Variants in PRRC2C observed in about 807,000 individuals in gnomAD.
PRRC2C encodes proline rich coiled-coil 2C, also known as protein PRRC2C.
In PRRC2C, 72 loss-of-function variants were observed where a neutral mutation model predicts 317.2. That is an observed-to-expected ratio of 0.23 (90% CI 0.19 to 0.28). The LOEUF (loss-of-function observed/expected upper bound fraction) is 0.28. Ranked by LOEUF, PRRC2C falls within the 10% of genes least tolerant of loss-of-function variation. The pLI is 1.00. For synonymous variants in PRRC2C, 1,296 were observed against 1,205.9 expected, an observed-to-expected ratio of 1.07 and a Z score of -1.55; for missense variants, 3,074 against 3,459.7, an observed-to-expected ratio of 0.89 and a Z score of 2.80.
chr1:171,553,033 A>G (rs2102601969), intron 18 of PRRC2C, among the ~76,000 whole-genome samples: 2 of 152,290 alleles, frequency 1.3e-5, no homozygotes, highest in South Asian at 4.1e-4. Context: ...TTCAGAAGGA[A>G]TGGTACCGGC....
In PRRC2C at chr1:171,522,157, T is replaced by G; in HGVS notation, c.751-20T>G. 6.9e-7 allele frequency: 1 copy of G among 1,451,282 alleles called. No homozygotes were observed. Among genetic ancestry groups the G allele is most frequent in the Non-Finnish European group, 9.4e-7 (1 of 1,064,100 alleles). The allele number at this position is 1,451,282 out of a possible 1,614,324, so 89.9% of individuals were successfully genotyped here. ...ACTAGGTTGCTAAATTTATCACAATTTTTTGTTTCCTTCATTCAGATGTTC... is the reference window on the plus strand; with the variant it reads ...ACTAGGTTGCTAAATTTATCACAATGTTTTGTTTCCTTCATTCAGATGTTC... On this transcript the variant is annotated intron_variant, in intron 6 of 34. Coordinates refer to ENST00000647382, the MANE Select transcript of PRRC2C (RefSeq NM_001387844.1).
intron 4 of PRRC2C, among the ~76,000 whole-genome samples, chr1:171,515,027 C>G (rs1292873930): frequency 1.3e-5 from 2 of 152,328 alleles, no homozygotes; most frequent in East Asian, 3.9e-4. Flanking sequence ...TGCCACGATT[C>G]CTGAGAGGAG....
At chr1:171,534,494 T>C (rs1490931688) in intron 12 of PRRC2C, among the ~76,000 whole-genome samples, 1 of 152,190 alleles carries the variant, frequency 6.6e-6, no homozygotes. Flanking sequence ...ATTCTGATAC[T>C]AGACACATAC....
At position 171,532,497 on chromosome 1, in the gene PRRC2C, A is replaced by T. The variant is rs704839; in HGVS notation, c.1409A>T (p.Glu470Val). The change falls in exon 12 of 35, where the codon GAG (glutamate) becomes GTG (valine). Residue 470 changes from glutamate (E) to valine (V), a missense_variant. Transcript: ENST00000647382. ...GAACGTGCTCGTAAACGGCGTGAAG[A>T]GGAAGAGCGAAGAATGGAAGAACAA... ...AVERARKRRE[E>V]EERRMEEQRK... 1 of 1,611,446 alleles carries T rather than the reference A, an allele frequency of 6.2e-7. No homozygotes were observed.
chr1:171,567,839 T>C (rs1176814097), intron 22 of PRRC2C, among the ~76,000 whole-genome samples: 1 of 152,218 alleles, frequency 6.6e-6, no homozygotes, highest in Non-Finnish European at 1.5e-5. Context: ...AAGTCTGCTC[T>C]CTTCCCCTGC....
Position 171,541,216 on chromosome 1 carries a change from C to T in PRRC2C, c.3750C>T (p.Ser1250=). ...AAGAAAGTGAAACACGGAGTGAGAG[C>T]TCTGATTTTGAAGTTGTCCCCAAAA... The part of the protein sequence containing the change: ...QREESETRSE[S]SDFEVVPKRR... Residue 1250 remains serine (S), a synonymous_variant, in exon 16 of 35, where the codon AGC becomes AGT. Coordinates refer to ENST00000647382, the MANE Select transcript of PRRC2C (RefSeq NM_001387844.1). The surrounding 1 kb of genome is among the most constrained non-coding windows in gnomAD (Gnocchi z 4.1). The T allele has an allele frequency of 6.2e-7, 1 of 1,613,444 alleles. No homozygotes were observed. Among genetic ancestry groups the T allele is most frequent in the Non-Finnish European group, 8.5e-7 (1 of 1,179,770 alleles).
chr1:171,541,414 T>A lies in PRRC2C; in HGVS notation c.3948T>A (p.Asp1316Glu). 6.2e-7 allele frequency: 1 copy of A among 1,613,854 alleles called. No individual in the cohort carries two copies. The highest frequency in any genetic ancestry group is 8.5e-7 in the Non-Finnish European group (1 of 1,179,822). Residue 1316 changes from aspartate to glutamate, a missense_variant, in exon 16 of 35, where the codon GAT becomes GAA. Around this residue, in one of 11 missense-constraint regions of PRRC2C, gnomAD observed 1,320 missense variants for 1,395.7 expected, o/e 0.95. Transcript: ENST00000647382. This position sits in a 1 kb window ranked among gnomAD's most constrained non-coding sequence, Gnocchi z 4.1. Reference protein sequence around the residue: ...SFKPDNHVRIDNRLLEKPYVR... With the variant: ...SFKPDNHVRIENRLLEKPYVR... ...AGCCTGATAATCATGTTCGAATAGA[T>A]AATAGACTGCTAGAAAAGCCTTATG...
At chr1:171,539,471 T>G (rs1677532548) in intron 15 of PRRC2C, among the ~76,000 whole-genome samples, 1 of 152,232 alleles carries the variant, frequency 6.6e-6, no homozygotes, top group Non-Finnish European at 1.5e-5. Context: ...CTATTTCCTA[T>G]TCTTACCTTT....
chr1:171,566,651 A>G lies in PRRC2C; in HGVS notation c.6366A>G (p.Glu2122=), dbSNP rs747664141. The change falls in exon 22 of 35, where the codon GAA becomes GAG. Residue 2122 remains glutamate, a synonymous_variant. Coordinates refer to ENST00000647382, the MANE Select transcript of PRRC2C (RefSeq NM_001387844.1). ...KEHKPGPIGK[E]RSLKNRKVKD... is the part of the protein sequence containing the mutation. ...ACAAACCTGGTCCCATTGGAAAGGA[A>G]CGTTCATTAAAAAATAGAAAAGTAA... 27 of 1,607,602 alleles carry G rather than the reference A, an allele frequency of 1.7e-5. No individual in the cohort carries two copies. Among genetic ancestry groups the G allele is most frequent in the Non-Finnish European group, 2.1e-5 (25 of 1,176,548 alleles).
intron 33 of PRRC2C, 101 bp from the exon 34 acceptor site, chr1:171,589,268 C>A: frequency 1.9e-6 from 1 of 539,996 alleles, no homozygotes; most frequent in Non-Finnish European, 2.9e-6. Context: ...AGGATGGGCA[C>A]AGATTTACTC....
chr1:171,545,615 C>T lies in PRRC2C; in HGVS notation c.4900C>T (p.Pro1634Ser). The change falls in exon 17 of 35, where the codon CCC becomes TCC. Residue 1634 changes from proline to serine, a missense_variant. Physicochemically the swap from Pro to Ser is moderately conservative, Grantham distance 74. Coordinates refer to ENST00000647382, the MANE Select transcript of PRRC2C (RefSeq NM_001387844.1). Reference sequence around the variant, plus strand: ...TTCTACTGGGAAAAAAAGAGAAGACCCCAAACCAGGCCCTAAAAAACCAAA... The same window carrying T: ...TTCTACTGGGAAAAAAAGAGAAGACTCCAAACCAGGCCCTAAAAAACCAAA... ...KDSTGKKRED[P>S]KPGPKKPKEK... 3 of 1,612,644 alleles carry T rather than the reference C, an allele frequency of 1.9e-6. No individual in the cohort carries two copies. Among genetic ancestry groups the T allele is most frequent in the Non-Finnish European group, 2.5e-6 (3 of 1,179,374 alleles).
Position 171,524,914 on chromosome 1 carries a change from C to T in PRRC2C, c.1149C>T (p.Ala383=). 6.2e-7 allele frequency: 1 copy of T among 1,611,504 alleles called. No homozygotes were observed. Among genetic ancestry groups the T allele is most frequent in the Non-Finnish European group, 8.5e-7 (1 of 1,178,628 alleles). The change falls in exon 10 of 35, where the codon GCC becomes GCT. Residue 383 remains alanine (A), a synonymous_variant. Transcript: ENST00000647382. The part of the protein sequence containing the change: ...SNTKSSSQIP[A]QPSVAKVPYG... ...CTAAATCATCTTCCCAAATACCTGC[C>T]CAACCATCAGTAGCAAAAGTTCCCT...
At chr1:171,538,799 C>G (rs1677334166) in intron 15 of PRRC2C, among the ~76,000 whole-genome samples, 1 of 152,108 alleles carries the variant, frequency 6.6e-6, no homozygotes, top group South Asian at 2.1e-4. Flanking sequence ...GCAGCCTTGA[C>G]CTCCCAGGCT....
At chr1:171,486,115 T>C (rs2101985886) in intron 1 of PRRC2C, among the ~76,000 whole-genome samples, 1 of 149,532 alleles carries the variant, frequency 6.7e-6, no homozygotes, top group East Asian at 2.0e-4. Flanking sequence ...GTCTTTTTTT[T>C]TTTTTTTTTT....
chr1:171,535,518 C>A lies in PRRC2C; in HGVS notation c.1964C>A (p.Ser655Tyr). ...VVHETEPESGSQPRPAVLSGY... is the reference protein window; with the variant it reads ...VVHETEPESGYQPRPAVLSGY... ...CATGAAACAGAACCAGAATCAGGGT[C>A]TCAACCTCGGCCGGCTGTATTATCT... Residue 655 changes from serine to tyrosine, a missense_variant, in exon 13 of 35, where the codon TCT becomes TAT. Ser to Tyr is a moderately radical substitution (Grantham distance 144, BLOSUM62 -2). Around this residue, in one of 11 missense-constraint regions of PRRC2C, gnomAD observed 1,320 missense variants for 1,395.7 expected, o/e 0.95. Transcript: ENST00000647382. The A allele has an allele frequency of 6.2e-7, 1 of 1,614,006 alleles. No individual in the cohort carries two copies. Among genetic ancestry groups the A allele is most frequent in the Non-Finnish European group, 8.5e-7 (1 of 1,179,892 alleles).
At chr1:171,513,372 A>G in intron 3 of PRRC2C, 200 bp downstream of exon 3, 1 of 707,942 alleles carries the variant, frequency 1.4e-6, no homozygotes. Context: ...GGTAGAACAG[A>G]TGACAGAATT....
At chr1:171,514,778 AGGTTTTTT>A in intron 4 of PRRC2C, 133 bp downstream of exon 4, 3 of 778,926 alleles carry the variant, frequency 3.9e-6, no homozygotes, top group Non-Finnish European at 4.0e-6. Context: ...GCTCTTAAAA[AGGTTTTTT>A]AAAAAATCTC....
At chr1:171,526,424 A>G (rs1674574594) in intron 10 of PRRC2C, among the ~76,000 whole-genome samples, 1 of 151,934 alleles carries the variant, frequency 6.6e-6, no homozygotes, top group South Asian at 2.1e-4. Flanking sequence ...TGCAACCTCC[A>G]CCTCCTGGGC....
At chr1:171,577,307 C>A in intron 25 of PRRC2C, 127 bp from the exon 26 acceptor site, 1 of 706,242 alleles carries the variant, frequency 1.4e-6, no homozygotes, top group South Asian at 2.2e-5. Context: ...TACTTTTGGC[C>A]TGAAGCAGTA....
Sources: gnomAD v4.1 joint callset for allele counts (sites outside exome capture counted in the v4.1 genomes callset) on GRCh38, gnomAD v4.1.1 for gene constraint, gnomAD v4.1.1 regional missense constraint, Gnocchi (gnomAD v3.1) non-coding constraint, MANE v1.5 for transcripts, NCBI Gene and HGNC (gene_info 2026-07-23, HGNC 2026-07-21) for gene names.